Variants in LAMA5 observed in about 807,000 individuals in gnomAD.
The protein encoded by LAMA5 is laminin subunit alpha-5.
In LAMA5, 260 loss-of-function variants were observed where a neutral mutation model predicts 433.4. The ratio of observed to expected loss-of-function variants is 0.60; its 90% confidence interval spans 0.54 to 0.66. The LOEUF (loss-of-function observed/expected upper bound fraction) is 0.66. Among genes scored for constraint, LAMA5 ranks in the 30% least tolerant of loss-of-function variants. The probability of loss-of-function intolerance (pLI) is 0.00; values close to 1 mark genes in which losing one functional copy is unlikely to be tolerated. For synonymous variants in LAMA5, 2,620 were observed against 2,226.6 expected (o/e 1.18, Z -4.97); for missense variants, 5,378 against 5,258.5 (o/e 1.02, Z -0.70).
At chr20:62,317,222 G>A (rs1289718150) in intron 55 of LAMA5, 123 bp downstream of exon 55, 16 of 1,236,126 alleles carry the variant, frequency 1.3e-5, no homozygotes, top group Non-Finnish European at 1.6e-5. Context: ...GCTGAGGAAG[G>A]CCTGGCTTCT....
At chr20:62,333,836 A>AGTGGAGTGGG in intron 23 of LAMA5, 65 bp downstream of exon 23, 5 of 1,176,238 alleles carry the variant, frequency 4.3e-6, no homozygotes, top group Admixed American at 2.6e-5. Context: ...GGGGCTTGGG[A>AGTGGAGTGGG]GTGGGGTGGG....
Position 62,352,130 on chromosome 20 carries a change from C to T in LAMA5, c.688-51G>A, listed in dbSNP as rs779433275. On this transcript the variant is annotated intron_variant, in intron 4 of 79. Transcript: ENST00000252999. Reference sequence around the variant, plus strand: ...GTGTGGCCCTAGCCCCTGCTCAGCACTGCCCCTCCCGGGCCCACCTTTCCC... The same window carrying T: ...GTGTGGCCCTAGCCCCTGCTCAGCATTGCCCCTCCCGGGCCCACCTTTCCC... 2.5e-6 allele frequency: 4 copies of T among 1,594,096 alleles called. No individual in the cohort carries two copies. The South Asian group carries it at 4.4e-5, about 18-fold the overall frequency.
chr20:62,334,887 G>A, intron 20 of LAMA5, 134 bp downstream of exon 20: 1 of 826,788 alleles, frequency 1.2e-6, no homozygotes, highest in Non-Finnish European at 1.9e-6. Flanking sequence ...GCACAGGCTG[G>A]CACCAAGGGG....
In LAMA5 at chr20:62,313,771, CTG is replaced by C. The variant is rs1250748830; in HGVS notation, c.8534_8535del (p.Thr2845SerfsTer12). The C allele has an allele frequency of 6.2e-7, 1 of 1,612,800 alleles. No individual in the cohort carries two copies. The highest frequency in any genetic ancestry group is 1.3e-5 in the African/African-American group (1 of 74,914). Reference protein sequence around the residue: ...RTLQFGHMSVTVERQMIQETK... With the variant: ...RTLQFGHMSVXVERQMIQETK... ...GTTTCCTGGATCATCTGTCTCTCCA[CTG>C]TGACGGACATGTGGCCAAACTGGAG... On this transcript the variant is annotated frameshift_variant, in exon 63 of 80. Coordinates refer to ENST00000252999, the MANE Select transcript of LAMA5 (RefSeq NM_005560.6). LOFTEE classifies it high-confidence loss of function.
intron 45 of LAMA5, 42 bp from the exon 46 acceptor site, chr20:62,322,800 C>A: frequency 4.6e-6 from 6 of 1,299,918 alleles, no homozygotes; most frequent in Non-Finnish European, 6.1e-6. Flanking sequence ...GCCCTCTCAC[C>A]CCCCCAGGGA....
chr20:62,324,604 C>T lies in LAMA5; in HGVS notation c.5530-50G>A, dbSNP rs1242901741. The stretch of plus-strand genomic sequence containing the variant: ...CATCAGCGATTGAGAGGACGAGGGG[C>T]CCCACCCTGCAAGCTCACAAGTCAG... On this transcript the variant is annotated intron_variant, in intron 41 of 79. Transcript: ENST00000252999. This position sits in a 1 kb window ranked among gnomAD's most constrained non-coding sequence, Gnocchi z 4.4. The T allele has an allele frequency of 1.5e-6, 2 of 1,295,182 alleles. No individual in the cohort carries two copies. Among genetic ancestry groups the T allele is most frequent in the Non-Finnish European group, 2.2e-6 (2 of 907,752 alleles). 80.2% of individuals were successfully genotyped at this position (1,295,182 alleles called of 1,614,324 possible).
intron 53 of LAMA5, 56 bp from the exon 54 acceptor site, chr20:62,317,834 T>A: frequency 1.3e-6 from 1 of 762,502 alleles, no homozygotes. Context: ...GAATAAAGGA[T>A]GTGATGGGGT....
chr20:62,351,608 G>A, intron 6 of LAMA5, 96 bp downstream of exon 6: 1 of 1,201,864 alleles, frequency 8.3e-7, no homozygotes, highest in South Asian at 1.3e-5. Context: ...CATGGAACCA[G>A]GTCACCCACC....
In LAMA5 at chr20:62,326,966, C is replaced by T. The variant is rs150196385; in HGVS notation, c.5113G>A (p.Val1705Met). The change falls in exon 39 of 80, where the codon GTG (valine) becomes ATG (methionine). Residue 1705 changes from valine (V) to methionine (M), a missense_variant and splice_region_variant. Val to Met is a conservative substitution (Grantham distance 21). Coordinates refer to ENST00000252999, the MANE Select transcript of LAMA5 (RefSeq NM_005560.6). ...CGGAGGGTCCCACCGTAGGATGACA[C>T]CTGGAGGCAGGACAGACAGAGGTGA... ...QAPPSYLGDRVSSYGGTLRYE... is the reference protein window; with the variant it reads ...QAPPSYLGDRMSSYGGTLRYE... 2.0e-4 allele frequency: 318 copies of T among 1,600,420 alleles called. No homozygotes were observed. Among genetic ancestry groups the T allele is most frequent in the Non-Finnish European group, 2.6e-4 (308 of 1,170,656 alleles).
rs1458539579 is a variant in LAMA5, at chr20:62,318,664, G to C, written c.7043-14C>G. 6.2e-7 allele frequency: 1 copy of C among 1,607,412 alleles called. No homozygotes were observed. The highest frequency in any genetic ancestry group is 8.5e-7 in the Non-Finnish European group (1 of 1,177,404). On this transcript the variant is annotated splice_polypyrimidine_tract_variant and intron_variant, in intron 52 of 79. Transcript: ENST00000252999. ...CCCGGGCCAGCACTAGCCGAGACCA[G>C]GGTGAGGGTGGTCACTCTGGAAGCC...
At position 62,333,076 on chromosome 20, in the gene LAMA5, C is replaced by G; in HGVS notation, c.3282+14G>C. The G allele has an allele frequency of 6.7e-7, 1 of 1,491,132 alleles. No homozygotes were observed. Among genetic ancestry groups the G allele is most frequent in the Non-Finnish European group, 8.9e-7 (1 of 1,122,852 alleles). 92.4% of individuals were successfully genotyped at this position (1,491,132 alleles called of 1,614,324 possible). ...TGCAACACCCATTGCTCCGTGGGGT[C>G]CCAGGACACGCACATCACTGCCCGT... On this transcript the variant is annotated intron_variant, in intron 26 of 79. Transcript: ENST00000252999.
intron 35 of LAMA5, 90 bp downstream of exon 35, chr20:62,328,151 G>T (rs1285859157): frequency 1.1e-5 from 16 of 1,510,342 alleles, no homozygotes; most frequent in Non-Finnish European, 1.4e-5. Flanking sequence ...GCACAAATGG[G>T]AGCAGGGTGG....
Position 62,336,411 on chromosome 20 carries a change from T to A in LAMA5, c.2252A>T (p.Glu751Val). The A allele has an allele frequency of 6.2e-7, 1 of 1,612,526 alleles. No individual in the cohort carries two copies. Among genetic ancestry groups the A allele is most frequent in the Non-Finnish European group, 8.5e-7 (1 of 1,179,820 alleles). ...TTTGCAGCGGTCACAGCTCGGCCCC[T>A]CCACGTGAGCCCGGCACATACAGGG... ...QVPCMCRAHV[E>V]GPSCDRCKPG... The change falls in exon 18 of 80, where the codon GAG becomes GTG. Residue 751 changes from glutamate (E) to valine (V), a missense_variant. Glu to Val is a moderately radical substitution (Grantham distance 121, BLOSUM62 -2). Coordinates refer to ENST00000252999, the MANE Select transcript of LAMA5 (RefSeq NM_005560.6).
intron 2 of LAMA5, among the ~76,000 whole-genome samples, chr20:62,360,820 G>A (rs936751063): frequency 2.6e-5 from 4 of 152,222 alleles, no homozygotes; most frequent in African/African-American, 4.8e-5. Context: ...AAGCAAACTG[G>A]CTTCAGGCCT....
Position 62,311,412 on chromosome 20 carries a change from T to C in LAMA5, c.9931A>G (p.Thr3311Ala). 1 of 1,569,366 alleles carries C rather than the reference T, an allele frequency of 6.4e-7. No homozygotes were observed. The highest frequency in any genetic ancestry group is 8.7e-7 in the Non-Finnish European group (1 of 1,155,930). ...CCTGGGGTGCCCACCTTCCGGGCGG[T>C]GGCCTGCAGTCCTCTAGGCCCCAGG... is the stretch of plus-strand genomic sequence containing the variant. The part of the protein sequence containing the change: ...PGLGPRGLQA[T>A]ARKASRRSRQ... Residue 3311 changes from threonine (T) to alanine (A), a missense_variant, in exon 72 of 80, where the codon ACC becomes GCC. Physicochemically the swap from Thr to Ala is moderately conservative, Grantham distance 58 (BLOSUM62 0). Transcript: ENST00000252999.
At chr20:62,342,939 C>T (rs1372280239) in intron 11 of LAMA5, among the ~76,000 whole-genome samples, 1 of 152,210 alleles carries the variant, frequency 6.6e-6, no homozygotes, top group Non-Finnish European at 1.5e-5. Context: ...TTGTAATGAA[C>T]ACATTGAAAG....
At chr20:62,320,922 C>T in intron 48 of LAMA5, 32 bp from the exon 49 acceptor site, 1 of 1,593,312 alleles carries the variant, frequency 6.3e-7, no homozygotes, top group Non-Finnish European at 8.6e-7. Context: ...AGGTCAGTGT[C>T]ATTGGGTCAG....
chr20:62,312,680 G>A lies in LAMA5; in HGVS notation c.9179C>T (p.Ala3060Val), dbSNP rs961793559. Residue 3060 changes from alanine to valine, a missense_variant, in exon 67 of 80, where the codon GCC becomes GTC. Physicochemically the swap from Ala to Val is moderately conservative, Grantham distance 64. Transcript: ENST00000252999. The part of the protein sequence containing the change: ...SVEQDNDLEL[A>V]DAYYLGGVPP... ...CACGCCCCCCAGGTAGTAGGCGTCG[G>A]CCAGCTCCAGATCATTGTCCTGCTC... The A allele has an allele frequency of 6.2e-7, 1 of 1,607,080 alleles. No individual in the cohort carries two copies. The highest frequency in any genetic ancestry group is 8.5e-7 in the Non-Finnish European group (1 of 1,177,622).
intron 40 of LAMA5, among the ~76,000 whole-genome samples, chr20:62,326,038 C>T (rs547358402): frequency 4.7e-4 from 71 of 151,980 alleles, no homozygotes; most frequent in African/African-American, 1.2e-3. Context: ...CTGGCCAACA[C>T]GGCGAAACCC....
Sources: gnomAD v4.1 joint callset for allele counts (sites outside exome capture counted in the v4.1 genomes callset) on GRCh38, gnomAD v4.1.1 for gene constraint, Gnocchi (gnomAD v3.1) non-coding constraint, MANE v1.5 for transcripts, NCBI Gene and HGNC (gene_info 2026-07-23, HGNC 2026-07-21) for gene names.